Variants in EYS observed in about 807,000 individuals in gnomAD.
EYS encodes the protein protein eyes shut homolog.
In EYS, 250 loss-of-function variants were observed where a neutral mutation model predicts 282.1. That is an observed-to-expected ratio of 0.89 (90% CI 0.80 to 0.98). The LOEUF (loss-of-function observed/expected upper bound fraction) is 0.98, where lower values mean the gene tolerates loss of function less well. Ranked by LOEUF, EYS falls within the 50% of genes least tolerant of loss-of-function variation. EYS has a pLI of 0.00. For missense variants in EYS, 4,016 were observed against 3,709.0 expected (o/e 1.08, Z -2.15); for synonymous variants, 1,355 against 1,282.9 (o/e 1.06, Z -1.20).
At chr6:65,243,752 G>GA (rs887738372) in intron 12 of EYS, among the ~76,000 whole-genome samples, 2 of 151,474 alleles carry the variant, frequency 1.3e-5, no homozygotes, top group Admixed American at 6.6e-5. Flanking sequence ...AGAAAAATAA[G>GA]AAAAAAAATA....
chr6:65,059,725 C>T (rs1773515375), intron 12 of EYS, among the ~76,000 whole-genome samples: 1 of 152,022 alleles, frequency 6.6e-6, no homozygotes, highest in African/African-American at 2.4e-5. Context: ...AAAGAGGTAA[C>T]AAGAGAAGCA....
intron 12 of EYS, among the ~76,000 whole-genome samples, chr6:65,285,844 G>T (rs1768347835): frequency 6.6e-6 from 1 of 151,802 alleles, no homozygotes; most frequent in Admixed American, 6.6e-5. Context: ...ACTTATAATG[G>T]TATAAAAAAT....
chr6:65,334,344 T>C (rs1284906202), intron 11 of EYS, among the ~76,000 whole-genome samples: 1 of 151,624 alleles, frequency 6.6e-6, no homozygotes, highest in Non-Finnish European at 1.5e-5. Context: ...TCATTGAAGC[T>C]TCTAACTCCT....
rs574446482 is a variant in EYS, at chr6:64,343,545, C to A, written c.6079-36463G>T. Among the ~76,000 whole-genome samples, 418 of 152,020 alleles carry A rather than the reference C, an allele frequency of 2.7e-3. 2 individuals are homozygous for A. Among genetic ancestry groups the A allele is most frequent in the African/African-American group, 9.3e-3 (387 of 41,478 alleles). ...ACACAACATACCAGAATCTCTGGGA[C>A]ACATTCAAAGCAGTGTGTAGAGGGA... On this transcript the variant is annotated intron_variant, in intron 29 of 42. Coordinates refer to ENST00000503581, the MANE Select transcript of EYS (RefSeq NM_001142800.2).
chr6:65,625,924 T>C (rs1269499158), intron 2 of EYS, among the ~76,000 whole-genome samples: 1 of 152,346 alleles, frequency 6.6e-6, no homozygotes, highest in East Asian at 1.9e-4. Context: ...TGTAATATTT[T>C]TCAGTTACCA....
At chr6:64,510,274 T>C (rs1024735169) in intron 26 of EYS, among the ~76,000 whole-genome samples, 3 of 152,176 alleles carry the variant, frequency 2.0e-5, no homozygotes, top group Non-Finnish European at 4.4e-5. Context: ...ATGTACTTTA[T>C]CATGAATATT....
At chr6:65,645,566 T>C (rs900162286) in intron 1 of EYS, among the ~76,000 whole-genome samples, 5 of 152,050 alleles carry the variant, frequency 3.3e-5, no homozygotes, top group African/African-American at 7.2e-5. Flanking sequence ...TCAATGCCTA[T>C]ATCAAAAAGT....
chr6:64,317,251 A>G (rs1247928102), intron 29 of EYS, among the ~76,000 whole-genome samples: 1 of 152,008 alleles, frequency 6.6e-6, no homozygotes, highest in Non-Finnish European at 1.5e-5. Context: ...AAAAGAAACT[A>G]TCATCAGAAT....
intron 41 of EYS, among the ~76,000 whole-genome samples, chr6:63,742,700 G>A (rs1769106933): frequency 6.6e-6 from 1 of 152,098 alleles, no homozygotes; most frequent in Non-Finnish European, 1.5e-5. Flanking sequence ...AGCAAATGAT[G>A]GACCAATGGT....
chr6:63,952,092 G>A lies in EYS; in HGVS notation c.7055+32291C>T, dbSNP rs140567728. ...CTCCTCTGTGAGGCAAAACCCAGCC[G>A]CACCTCCAGCACACAAGAACTTCAA... On this transcript the variant is annotated intron_variant, in intron 35 of 42. Coordinates refer to ENST00000503581, the MANE Select transcript of EYS (RefSeq NM_001142800.2). 4.8e-3 allele frequency among the ~76,000 whole-genome samples: 728 copies of A among 152,266 alleles called. 3 individuals carry two copies. Among genetic ancestry groups the A allele is most frequent in the African/African-American group, 0.017 (697 of 41,554 alleles).
rs1156536680 is a variant in EYS at position 65,456,845 on chromosome 6, C to G, written c.862+33749G>C. On this transcript the variant is annotated intron_variant, in intron 5 of 42. Transcript: ENST00000503581. ...GCATGAGAAAGTAATAAAATGTACCCATATTAGAAAGGAGGAAGTCAAACT... is the reference window on the plus strand; with the variant it reads ...GCATGAGAAAGTAATAAAATGTACCGATATTAGAAAGGAGGAAGTCAAACT... Among the ~76,000 whole-genome samples the G allele has an allele frequency of 2.0e-5, 3 of 152,112 alleles. No individual in the cohort carries two copies. In the South Asian group the frequency reaches 6.2e-4, roughly 32 times the overall value.
At chr6:63,851,943 G>T (rs376178507) in intron 36 of EYS, among the ~76,000 whole-genome samples, 1 of 152,016 alleles carries the variant, frequency 6.6e-6, no homozygotes, top group Non-Finnish European at 1.5e-5. Flanking sequence ...AGATCACGAG[G>T]TCAGGAGATC....
intron 22 of EYS, among the ~76,000 whole-genome samples, chr6:64,801,186 A>G (rs762729613): frequency 2.0e-5 from 3 of 152,152 alleles, no homozygotes; most frequent in Non-Finnish European, 2.9e-5. Context: ...AGTTTAAAAG[A>G]CTGAAAAGTA....
rs913116063 is a variant in EYS at position 64,822,746 on chromosome 6, G to C, written c.3069C>G (p.Ile1023Met). 8.4e-6 allele frequency: 13 copies of C among 1,549,904 alleles called. No homozygotes were observed. Among genetic ancestry groups the C allele is most frequent in the African/African-American group, 1.4e-5 (1 of 72,910 alleles). ...TCTTGCAGTCACAGGTATAATGATT[G>C]ATGCCATCGATACAAACTCCATCAT... ...CLHDGVCIDG[I>M]NHYTCDCKSG... The change falls in exon 20 of 43, where the codon ATC (isoleucine) becomes ATG (methionine). Residue 1023 changes from isoleucine to methionine, a missense_variant. By Grantham distance (10) the Ile-to-Met change is conservative (BLOSUM62 1). Coordinates refer to ENST00000503581, the MANE Select transcript of EYS (RefSeq NM_001142800.2).
chr6:64,160,935 A>C (rs532007883), intron 31 of EYS, among the ~76,000 whole-genome samples: 62 of 152,338 alleles, frequency 4.1e-4, no homozygotes, highest in African/African-American at 1.4e-3. Context: ...AGAAGGGCAC[A>C]TACTAGTTTA....
intron 5 of EYS, among the ~76,000 whole-genome samples, chr6:65,462,385 C>T (rs992357215): frequency 5.3e-5 from 8 of 151,954 alleles, no homozygotes; most frequent in South Asian, 2.1e-4. Context: ...CTAATTATAA[C>T]GGTGATTACA....
At chr6:64,781,995 A>G (rs976671836) in intron 22 of EYS, among the ~76,000 whole-genome samples, 2 of 152,178 alleles carry the variant, frequency 1.3e-5, no homozygotes, top group Non-Finnish European at 2.9e-5. Flanking sequence ...TTTCCTGGCT[A>G]TGCCATTTAA....
intron 30 of EYS, among the ~76,000 whole-genome samples, chr6:64,289,718 G>C (rs1768631949): frequency 6.6e-6 from 1 of 151,980 alleles, no homozygotes; most frequent in African/African-American, 2.4e-5. Context: ...ACCATCAGTA[G>C]TAGTAAAAGG....
At chr6:65,349,673 C>T (rs1770528022) in intron 9 of EYS, among the ~76,000 whole-genome samples, 1 of 151,422 alleles carries the variant, frequency 6.6e-6, no homozygotes, top group Admixed American at 6.6e-5. Flanking sequence ...GTGGTAAGTA[C>T]ACTTCTGAAA....
Sources: allele counts gnomAD v4.1 joint callset (sites outside exome capture counted in the v4.1 genomes callset), GRCh38; gene constraint gnomAD v4.1.1; transcripts MANE v1.5; gene names NCBI Gene and HGNC (gene_info 2026-07-23, HGNC 2026-07-21).